CDC14B: variants seen among roughly 807,000 people sequenced by gnomAD.
The protein encoded by CDC14B is dual specificity protein phosphatase CDC14B.
CDC14B carries 22 observed loss-of-function variants against 64.2 expected under a neutral mutation model. That is an observed-to-expected ratio of 0.34 (90% CI 0.24 to 0.49). CDC14B has a LOEUF of 0.49. CDC14B is among the 20% of genes least tolerant of loss of function. The pLI, the probability that CDC14B is intolerant of heterozygous loss-of-function variation, is 0.99. For synonymous variants in CDC14B, 191 were observed against 215.8 expected, an observed-to-expected ratio of 0.89 and a Z score of 1.01; for missense variants, 498 against 629.9, an observed-to-expected ratio of 0.79 and a Z score of 2.24.
intron 13 of CDC14B, among the ~76,000 whole-genome samples, chr9:96,505,851 G>A (rs912740155): frequency 3.3e-5 from 5 of 152,330 alleles, no homozygotes; most frequent in South Asian, 2.1e-4. Context: ...ATGGATACAC[G>A]AGGGGATAGT....
chr9:96,507,507 C>T (rs2131300505), intron 13 of CDC14B, among the ~76,000 whole-genome samples: 1 of 151,670 alleles, frequency 6.6e-6, no homozygotes. Context: ...CCTCCGCCTC[C>T]AAAGTTCAAG....
intron 1 of CDC14B, among the ~76,000 whole-genome samples, chr9:96,605,180 G>GAA (rs562803705): frequency 6.7e-6 from 1 of 148,926 alleles, no homozygotes; most frequent in Admixed American, 6.7e-5. Flanking sequence ...GAGCACAGAG[G>GAA]AAAAAAAAAA....
At chr9:96,508,791 C>G (rs1402009618) in intron 13 of CDC14B, among the ~76,000 whole-genome samples, 2 of 152,220 alleles carry the variant, frequency 1.3e-5, no homozygotes, top group Non-Finnish European at 2.9e-5. Context: ...GCACTGGGGA[C>G]TAATTTCACA....
At chr9:96,556,233 G>A (rs1276321796) in intron 4 of CDC14B, among the ~76,000 whole-genome samples, 2 of 152,032 alleles carry the variant, frequency 1.3e-5, no homozygotes, top group Admixed American at 6.6e-5. Flanking sequence ...GAGTAACCAG[G>A]AAATCCTGGA....
At chr9:96,602,686 A>G (rs2118854691) in intron 1 of CDC14B, among the ~76,000 whole-genome samples, 1 of 152,172 alleles carries the variant, frequency 6.6e-6, no homozygotes, top group Non-Finnish European at 1.5e-5. Context: ...CCCACTACAC[A>G]TGGGAATGTG....
chr9:96,536,705 G>T (rs1839323406), intron 7 of CDC14B, among the ~76,000 whole-genome samples: 1 of 152,138 alleles, frequency 6.6e-6, no homozygotes, highest in South Asian at 2.1e-4. Flanking sequence ...ATTCTCTGAG[G>T]ATTCAAGATG....
At chr9:96,611,942 G>C (rs1031195291) in intron 1 of CDC14B, among the ~76,000 whole-genome samples, 1 of 151,866 alleles carries the variant, frequency 6.6e-6, no homozygotes, top group Admixed American at 6.6e-5. Context: ...ATGGTAGAGG[G>C]GTCTCCCATC....
chr9:96,553,534 T>G (rs1842109869), intron 4 of CDC14B, among the ~76,000 whole-genome samples: 1 of 152,006 alleles, frequency 6.6e-6, no homozygotes, highest in Non-Finnish European at 1.5e-5. Context: ...AGTTTTTTTG[T>G]ATTTTTAGTA....
chr9:96,499,075 T>C (rs1222105607), downstream of CDC14B, among the ~76,000 whole-genome samples: 1 of 152,216 alleles, frequency 6.6e-6, no homozygotes, highest in African/African-American at 2.4e-5. Flanking sequence ...GCCAGCTGCC[T>C]GAGCTCTAGT....
intron 1 of CDC14B, among the ~76,000 whole-genome samples, chr9:96,595,222 C>T (rs936184097): frequency 1.3e-5 from 2 of 152,106 alleles, no homozygotes; most frequent in African/African-American, 4.8e-5. Flanking sequence ...AAAAGCAAGA[C>T]CTGAAAGTAT....
intron 4 of CDC14B, among the ~76,000 whole-genome samples, chr9:96,552,103 G>A (rs1362628451): frequency 6.6e-6 from 1 of 152,180 alleles, no homozygotes; most frequent in Non-Finnish European, 1.5e-5. Flanking sequence ...ACTCTTCACA[G>A]CAACCTTTTG....
At chr9:96,586,049 T>C (rs1055034215) in intron 1 of CDC14B, among the ~76,000 whole-genome samples, 1 of 152,098 alleles carries the variant, frequency 6.6e-6, no homozygotes, top group African/African-American at 2.4e-5. Flanking sequence ...AGCAGATGCT[T>C]GGGGTAGTGG....
intron 1 of CDC14B, chr9:96,566,852 G>A: frequency 6.3e-7 from 1 of 1,589,976 alleles, no homozygotes; most frequent in Non-Finnish European, 8.6e-7. Context: ...GCAGAGGCAA[G>A]GACTGCCAGC....
At chr9:96,521,308 A>C (rs1384513804) in intron 12 of CDC14B, among the ~76,000 whole-genome samples, 1 of 152,106 alleles carries the variant, frequency 6.6e-6, no homozygotes, top group Non-Finnish European at 1.5e-5. Context: ...TGAACTCCTG[A>C]CCTCAGGTGA....
chr9:96,533,794 C>G, intron 9 of CDC14B, 133 bp downstream of exon 9: 1 of 556,446 alleles, frequency 1.8e-6, no homozygotes, highest in South Asian at 3.2e-5. Flanking sequence ...CATCTGAAAT[C>G]AAAGGTTTCA....
At chr9:96,586,925 C>A (rs1008893830) in intron 1 of CDC14B, among the ~76,000 whole-genome samples, 1 of 152,000 alleles carries the variant, frequency 6.6e-6, no homozygotes, top group Non-Finnish European at 1.5e-5. Context: ...GTAATCCCAG[C>A]ACTTTGGGAG....
At chr9:96,537,968 T>C (rs16911148) in intron 7 of CDC14B, among the ~76,000 whole-genome samples, 7,929 of 152,182 alleles carry the variant, frequency 0.052, 700 homozygotes, top group African/African-American at 0.18. Flanking sequence ...AATCTGCCCC[T>C]CTAGGCCTCC....
At chr9:96,614,204 A>C (rs1847489191) in intron 1 of CDC14B, among the ~76,000 whole-genome samples, 1 of 152,150 alleles carries the variant, frequency 6.6e-6, no homozygotes, top group Non-Finnish European at 1.5e-5. Flanking sequence ...AGTAGCTATT[A>C]CCAATATTCT....
intron 4 of CDC14B, among the ~76,000 whole-genome samples, chr9:96,552,213 T>C (rs1841922230): frequency 2.0e-5 from 3 of 152,166 alleles, no homozygotes; most frequent in Non-Finnish European, 1.5e-5. Flanking sequence ...TCCACTGAAA[T>C]GACAGCTAAG....
Sources: allele counts gnomAD v4.1 joint callset (sites outside exome capture counted in the v4.1 genomes callset), GRCh38; gene constraint gnomAD v4.1.1; transcripts MANE v1.5; gene names NCBI Gene and HGNC (gene_info 2026-07-23, HGNC 2026-07-21).